STAT3: variants seen among roughly 807,000 people sequenced by gnomAD.
STAT3 encodes the protein DNA-binding protein APRF.
STAT3 carries 7 observed loss-of-function variants against 114.3 expected under a neutral mutation model. That is an observed-to-expected ratio of 0.06 (90% CI 0.03 to 0.11). The LOEUF is 0.11. Among genes scored for constraint, STAT3 ranks in the 10% least tolerant of loss-of-function variants. The probability of loss-of-function intolerance (pLI) is 1.00; values close to 1 mark genes in which losing one functional copy is unlikely to be tolerated. For synonymous variants in STAT3, 331 were observed against 354.5 expected, an observed-to-expected ratio of 0.93 and a Z score of 0.74; for missense variants, 364 against 960.9, an observed-to-expected ratio of 0.38 and a Z score of 8.21.
rs193171603 is a variant in STAT3 at position 42,317,480 on chromosome 17, C to A, written c.2102-256G>T. 4.9e-3 allele frequency: 2,782 copies of A among 573,242 alleles called. 10 individuals are homozygous for A. Among genetic ancestry groups the A allele is most frequent in the Non-Finnish European group, 5.9e-3 (1,888 of 320,400 alleles). The allele number at this position is 573,242 out of a possible 1,614,324, so 35.5% of individuals were successfully genotyped here. Reference sequence around the variant, plus strand: ...AGCTGCAGAGACTTTTCAGCATAACCTTTTCCCACCTGACCCTAGACTAAT... The same window carrying A: ...AGCTGCAGAGACTTTTCAGCATAACATTTTCCCACCTGACCCTAGACTAAT... On this transcript the variant is annotated intron_variant, in intron 21 of 23. Transcript: ENST00000264657.
intron 5 of STAT3, 24 bp downstream of exon 5, chr17:42,339,290 C>T (rs368675993): frequency 1.6e-5 from 25 of 1,610,486 alleles, no homozygotes; most frequent in Non-Finnish European, 1.9e-5. Flanking sequence ...AAGCTCCCTG[C>T]CCGAGGCTTG....
intron 10 of STAT3, among the ~76,000 whole-genome samples, chr17:42,332,789 G>A (rs2082077988): frequency 6.6e-6 from 1 of 151,852 alleles, no homozygotes. Context: ...GCAGTGAGTT[G>A]AGATTGCAAC....
intron 21 of STAT3, among the ~76,000 whole-genome samples, chr17:42,320,886 C>G (rs1227440652): frequency 6.6e-6 from 1 of 151,988 alleles, no homozygotes; most frequent in South Asian, 2.1e-4. Flanking sequence ...AGGGCTACCC[C>G]CTCCACACTG....
chr17:42,348,426 G>T lies in STAT3; in HGVS notation c.91C>A (p.Arg31=). ...TCAATCCAAGGGGCCAGAAACTGCC[G>T]CAGCTCCATTGGGAAGCTGTCACTG... ...LYSDSFPMEL[R]QFLAPWIESQ... The change falls in exon 2 of 24, where the codon CGG becomes AGG. Residue 31 remains arginine, a synonymous_variant. Transcript: ENST00000264657. The T allele has an allele frequency of 6.2e-7, 1 of 1,614,096 alleles. No individual in the cohort carries two copies. Among genetic ancestry groups the T allele is most frequent in the Non-Finnish European group, 8.5e-7 (1 of 1,180,018 alleles).
intron 14 of STAT3, 47 bp downstream of exon 14, chr17:42,329,363 C>A (rs1375204523): frequency 8.1e-6 from 13 of 1,606,216 alleles, no homozygotes; most frequent in African/African-American, 1.4e-5. Flanking sequence ...CCCCTCTCTC[C>A]CTCAAGGAAA....
chr17:42,337,116 A>C lies in STAT3; in HGVS notation c.797+319T>G, dbSNP rs947769522. Among the ~76,000 whole-genome samples the C allele has an allele frequency of 1.3e-5, 2 of 152,026 alleles. No individual in the cohort carries two copies. The highest frequency in any genetic ancestry group is 3.9e-4 in the East Asian group (2 of 5,184). On this transcript the variant is annotated intron_variant, in intron 8 of 23. Transcript: ENST00000264657. This position sits in a 1 kb window ranked among gnomAD's most constrained non-coding sequence, Gnocchi z 4.0. ...GCCTCAGCCGCCCAGAGTAGCTGGG[A>C]CTACAGGTGCGCACCACCACGCCCG...
In STAT3 at chr17:42,318,288, A is replaced by AT. The variant is rs543035052; in HGVS notation, c.2102-1065dup. ...AGGCATCTGCCACCATGCCTAGCTA[A>AT]TTTTTTTTTTGTAATTTTAGTAGAG... On this transcript the variant is annotated intron_variant, in intron 21 of 23. Coordinates refer to ENST00000264657, the MANE Select transcript of STAT3 (RefSeq NM_139276.3). 5.3e-3 allele frequency among the ~76,000 whole-genome samples: 799 copies of AT among 149,680 alleles called. 4 individuals carry two copies. The highest frequency in any genetic ancestry group is 7.6e-3 in the Non-Finnish European group (509 of 67,208).
At chr17:42,317,890 G>C (rs1025587364) in intron 21 of STAT3, among the ~76,000 whole-genome samples, 3 of 152,150 alleles carry the variant, frequency 2.0e-5, no homozygotes, top group African/African-American at 7.2e-5. Context: ...CGGAGACCTG[G>C]GTCCAGGTAC....
intron 1 of STAT3, among the ~76,000 whole-genome samples, chr17:42,383,606 C>G (rs1463600597): frequency 6.6e-6 from 1 of 152,228 alleles, no homozygotes; most frequent in Non-Finnish European, 1.5e-5. Flanking sequence ...ACGCTTACGT[C>G]TTGTAAGCCA....
At chr17:42,343,600 G>A (rs1245869645) in intron 4 of STAT3, among the ~76,000 whole-genome samples, 4 of 151,622 alleles carry the variant, frequency 2.6e-5, no homozygotes, top group Admixed American at 1.3e-4. Flanking sequence ...GACTACAGGC[G>A]CGTACCACCA....
In STAT3 at chr17:42,316,292, G is replaced by A. The variant is rs1598379107; in HGVS notation, c.2258-492C>T. ...ACTCTGTCGCCCAGGCTGGAGTGCA[G>A]TGGCACGATCTCTGCTCACTGCAAC... On this transcript the variant is annotated intron_variant, in intron 23 of 23. Coordinates refer to ENST00000264657, the MANE Select transcript of STAT3 (RefSeq NM_139276.3). 1.2e-4 allele frequency: 41 copies of A among 343,624 alleles called. 1 individual carries two copies. The highest frequency in any genetic ancestry group is 9.7e-4 in the South Asian group (40 of 41,064). The allele number at this position is 343,624 out of a possible 1,614,324, so 21.3% of individuals were successfully genotyped here. A position where few individuals can be genotyped will look rare whatever the true frequency, so the allele number is the denominator to read the frequency against.
chr17:42,316,167 A>G (rs1198097658), intron 23 of STAT3: 1 of 917,494 alleles, frequency 1.1e-6, no homozygotes, highest in Non-Finnish European at 1.4e-6. Flanking sequence ...GGCTGTCAAA[A>G]GCCCACTGGA....
Position 42,326,131 on chromosome 17 carries a change from G to C in STAT3, c.1350C>G (p.Leu450=), listed in dbSNP as rs2144729916. ...TFETEVYHQG[L]KIDLETHSLP... Reference sequence around the variant, plus strand: ...CAGAACTTACCTCTAGGTCAATCTTGAGGCCTTGGTGATACACCTCGGTCT... The same window carrying C: ...CAGAACTTACCTCTAGGTCAATCTTCAGGCCTTGGTGATACACCTCGGTCT... The change falls in exon 15 of 24, where the codon CTC becomes CTG. Residue 450 remains leucine, a synonymous_variant. Transcript: ENST00000264657. 1 of 1,614,008 alleles carries C rather than the reference G, an allele frequency of 6.2e-7. No individual in the cohort carries two copies. The highest frequency in any genetic ancestry group is 8.5e-7 in the Non-Finnish European group (1 of 1,179,932).
At chr17:42,350,700 A>G (rs904126421) in intron 1 of STAT3, among the ~76,000 whole-genome samples, 1 of 152,216 alleles carries the variant, frequency 6.6e-6, no homozygotes, top group Non-Finnish European at 1.5e-5. Context: ...GGAGCTCTCA[A>G]GCATATATTC....
chr17:42,348,508 T>C lies in STAT3; in HGVS notation c.9A>G (p.Gln3=), dbSNP rs749859511. 42 of 1,613,568 alleles carry C rather than the reference T, an allele frequency of 2.6e-5. No homozygotes were observed. Among genetic ancestry groups the C allele is most frequent in the Middle Eastern group, 3.5e-4 (2 of 5,738 alleles). MA[Q]WNQLQQLDTR... ...TGTCAAGCTGCTGTAGCTGATTCCA[T>C]TGGGCCATCCTGCTAAAATCAGGGG... Residue 3 remains glutamine (Q), a synonymous_variant, in exon 2 of 24, where the codon CAA becomes CAG. Transcript: ENST00000264657.
rs561541879 is a variant in STAT3 at position 42,344,292 on chromosome 17, C to T, written c.372+1267G>A. 2.5e-3 allele frequency among the ~76,000 whole-genome samples: 376 copies of T among 151,702 alleles called. 2 individuals are homozygous for T. The highest frequency in any genetic ancestry group is 4.6e-3 in the Non-Finnish European group (311 of 67,930). ...AAAAAATTAGCTGGGTGTGGTGGCGCGCGCCTGTAGTCCCAGCTACTTGGG... is the reference window on the plus strand; with the variant it reads ...AAAAAATTAGCTGGGTGTGGTGGCGTGCGCCTGTAGTCCCAGCTACTTGGG... On this transcript the variant is annotated intron_variant, in intron 4 of 23. Transcript: ENST00000264657.
intron 1 of STAT3, among the ~76,000 whole-genome samples, chr17:42,378,012 G>A (rs1258080725): frequency 1.4e-5 from 2 of 140,778 alleles, no homozygotes; most frequent in Non-Finnish European, 3.0e-5. Flanking sequence ...TTGAGATGGA[G>A]TCTTGCTCCA....
Position 42,324,577 on chromosome 17 carries a change from G to A in STAT3, c.1600+134C>T. 1.5e-6 allele frequency: 2 copies of A among 1,297,794 alleles called. No homozygotes were observed. The highest frequency in any genetic ancestry group is 2.1e-6 in the Non-Finnish European group (2 of 943,560). The allele number at this position is 1,297,794 out of a possible 1,614,324, so 80.4% of individuals were successfully genotyped here. A position where few individuals can be genotyped will look rare whatever the true frequency, so the allele number is the denominator to read the frequency against. ...AACTCCCCAACTCCCCTGTTTCCTG[G>A]CACCAGCACAGCGCCTTGCTCAGGA... is the stretch of plus-strand genomic sequence containing the variant. On this transcript the variant is annotated intron_variant, in intron 17 of 23. Transcript: ENST00000264657. The surrounding 1 kb of genome is among the most constrained non-coding windows in gnomAD (Gnocchi z 4.5).
intron 4 of STAT3, among the ~76,000 whole-genome samples, chr17:42,341,288 T>C (rs1244943908): frequency 1.3e-5 from 2 of 152,168 alleles, no homozygotes; most frequent in Non-Finnish European, 2.9e-5. Flanking sequence ...TTTCACACAA[T>C]TGATAACTTC....
Sources: gnomAD v4.1 joint callset for allele counts (sites outside exome capture counted in the v4.1 genomes callset) on GRCh38, gnomAD v4.1.1 for gene constraint, Gnocchi (gnomAD v3.1) non-coding constraint, MANE v1.5 for transcripts, NCBI Gene and HGNC (gene_info 2026-07-23, HGNC 2026-07-21) for gene names.